MBNL1: variants seen among roughly 807,000 people sequenced by gnomAD.
MBNL1 encodes muscleblind-like protein 1.
In MBNL1, 8 loss-of-function variants were observed where a neutral mutation model predicts 42.2. That is an observed-to-expected ratio of 0.19 (90% CI 0.11 to 0.34). The LOEUF is 0.34. MBNL1 is among the 10% of genes least tolerant of loss of function. The probability of loss-of-function intolerance (pLI) is 1.00; values close to 1 mark genes in which losing one functional copy is unlikely to be tolerated. For missense variants in MBNL1, 309 were observed against 495.3 expected (o/e 0.62, Z 3.57); for synonymous variants, 169 against 173.9 (o/e 0.97, Z 0.22).
chr3:152,402,628 CACAAATTTGT>C (rs2098274508), intron 2 of MBNL1, among the ~76,000 whole-genome samples: 1 of 147,910 alleles, frequency 6.8e-6, no homozygotes, highest in African/African-American at 2.5e-5. Flanking sequence ...GGAGCAGAGC[CACAAATTTGT>C]ACTTGGATAA....
intron 1 of MBNL1, among the ~76,000 whole-genome samples, chr3:152,273,833 G>A (rs148417264): frequency 6.6e-6 from 1 of 152,212 alleles, no homozygotes; most frequent in Non-Finnish European, 1.5e-5. Flanking sequence ...CAAAAGAGGT[G>A]AATAATAGTT....
At chr3:152,432,680 C>T in intron 3 of MBNL1, 37 bp from the exon 4 acceptor site, 1 of 1,568,442 alleles carries the variant, frequency 6.4e-7, no homozygotes, top group Non-Finnish European at 8.8e-7. Context: ...TGAGCTGAGA[C>T]CTGCATGTTA....
intron 6 of MBNL1, chr3:152,449,472 T>C (rs1717339273): frequency 6.6e-6 from 1 of 152,204 alleles, no homozygotes; most frequent in Admixed American, 6.5e-5. Flanking sequence ...TCAAATAGGT[T>C]TCACATTAGT....
chr3:152,338,583 C>G (rs2092029310), intron 2 of MBNL1: 4 of 985,288 alleles, frequency 4.1e-6, no homozygotes, highest in Non-Finnish European at 4.8e-6. Flanking sequence ...TCTCCAAGCC[C>G]CTAAGACTCT....
At chr3:152,255,754 C>A (rs909485158) in intron 2 of MBNL1, among the ~76,000 whole-genome samples, 1 of 152,070 alleles carries the variant, frequency 6.6e-6, no homozygotes, top group African/African-American at 2.4e-5. Flanking sequence ...ATGGGAAAAT[C>A]ATCTTTACGT....
intron 2 of MBNL1, among the ~76,000 whole-genome samples, chr3:152,365,942 C>T (rs1451561058): frequency 6.6e-6 from 1 of 152,000 alleles, no homozygotes; most frequent in African/African-American, 2.4e-5. Context: ...AAATCATAAA[C>T]AATAGAGCCT....
chr3:152,326,738 A>C (rs2080433104), intron 2 of MBNL1, among the ~76,000 whole-genome samples: 1 of 151,706 alleles, frequency 6.6e-6, no homozygotes, highest in Non-Finnish European at 1.5e-5. Flanking sequence ...ATAATCAAGG[A>C]TGCCAGTAAA....
At chr3:152,259,445 C>G (rs541991605) in intron 2 of MBNL1, among the ~76,000 whole-genome samples, 1 of 152,134 alleles carries the variant, frequency 6.6e-6, no homozygotes, top group Admixed American at 6.5e-5. Flanking sequence ...TTTAAAAGAG[C>G]CTTTGATTTT....
chr3:152,449,496 C>G (rs987417819), intron 6 of MBNL1: 1 of 152,146 alleles, frequency 6.6e-6, no homozygotes, highest in South Asian at 2.1e-4. Flanking sequence ...TTCAACAACT[C>G]TCAAATGACT....
intron 2 of MBNL1, among the ~76,000 whole-genome samples, chr3:152,357,020 A>G (rs186442649): frequency 1.2e-4 from 19 of 152,150 alleles, no homozygotes; most frequent in South Asian, 8.3e-4. Flanking sequence ...TAAACCTCCA[A>G]TTCACCATGC....
chr3:152,287,401 A>G (rs1436012451), intron 1 of MBNL1, among the ~76,000 whole-genome samples: 1 of 152,184 alleles, frequency 6.6e-6, no homozygotes, highest in African/African-American at 2.4e-5. Flanking sequence ...TAAACAGGAC[A>G]TTTTATCAGA....
In MBNL1 at chr3:152,299,675, C is replaced by A. The variant is rs942518880; in HGVS notation, c.-519C>A. 1.3e-5 allele frequency: 5 copies of A among 398,542 alleles called. No homozygotes were observed. The East Asian group carries it at 1.8e-4, about 14-fold the overall frequency. The allele number at this position is 398,542 out of a possible 1,614,324, so 24.7% of individuals were successfully genotyped here. ...GGAAATCAAGGAGGAAAAAAAAAAT[C>A]ATTTTCTCGATTTTGCTCTAAACTG... On this transcript the variant is annotated 5_prime_UTR_variant, in exon 2 of 10. Transcript: ENST00000324210.
At chr3:152,352,010 G>A (rs1173047203) in intron 2 of MBNL1, among the ~76,000 whole-genome samples, 1 of 152,024 alleles carries the variant, frequency 6.6e-6, no homozygotes, top group Admixed American at 6.5e-5. Flanking sequence ...TCAAAGTACA[G>A]TTAGACATAG....
chr3:152,391,616 C>T (rs1352473277), intron 2 of MBNL1, among the ~76,000 whole-genome samples: 1 of 152,186 alleles, frequency 6.6e-6, no homozygotes, highest in African/African-American at 2.4e-5. Flanking sequence ...ATTCTACATG[C>T]TTCTTTATTC....
intron 2 of MBNL1, among the ~76,000 whole-genome samples, chr3:152,319,625 T>TTTG (rs1577808686): frequency 1.4e-5 from 2 of 144,482 alleles, no homozygotes; most frequent in Admixed American, 1.4e-4. Flanking sequence ...TTTTTTTTTT[T>TTTG]TTTTTTTTTT....
At position 152,465,243 on chromosome 3, in the gene MBNL1, T is replaced by G. The variant is rs1287925486; in HGVS notation, c.*2877T>G. The G allele has an allele frequency of 1.3e-5, 2 of 152,228 alleles. No homozygotes were observed. Among genetic ancestry groups the G allele is most frequent in the Non-Finnish European group, 2.9e-5 (2 of 68,038 alleles). 9.4% of individuals were successfully genotyped at this position (152,228 alleles called of 1,614,324 possible). On this transcript the variant is annotated 3_prime_UTR_variant, in exon 10 of 10. Coordinates refer to ENST00000324210, the MANE Select transcript of MBNL1 (RefSeq NM_021038.5). Reference sequence around the variant, plus strand: ...AGAACTATACTAAGAACATATATTATTCAGATCAGTTTCTGCCAATTTCAG... The same window carrying G: ...AGAACTATACTAAGAACATATATTAGTCAGATCAGTTTCTGCCAATTTCAG...
chr3:152,424,903 C>A (rs765599793), intron 3 of MBNL1, among the ~76,000 whole-genome samples: 14 of 152,240 alleles, frequency 9.2e-5, no homozygotes, highest in Non-Finnish European at 1.8e-4. Flanking sequence ...CTTTCTTGCA[C>A]CTTATACGAA....
At chr3:152,380,882 A>G (rs572941770) in intron 2 of MBNL1, among the ~76,000 whole-genome samples, 97 of 152,244 alleles carry the variant, frequency 6.4e-4, no homozygotes, top group African/African-American at 2.3e-3. Context: ...AACTATTCAC[A>G]AGCCAATTCT....
intron 2 of MBNL1, among the ~76,000 whole-genome samples, chr3:152,403,431 T>C (rs1560459866): frequency 6.6e-6 from 1 of 152,206 alleles, no homozygotes; most frequent in Non-Finnish European, 1.5e-5. Flanking sequence ...ACAAGTTCCA[T>C]AGTTTATAGT....
Sources: gnomAD v4.1 joint callset for allele counts (sites outside exome capture counted in the v4.1 genomes callset) on GRCh38, gnomAD v4.1.1 for gene constraint, MANE v1.5 for transcripts, NCBI Gene and HGNC (gene_info 2026-07-23, HGNC 2026-07-21) for gene names.